GLI2: variants seen among roughly 807,000 people sequenced by gnomAD.
GLI2 encodes the protein GLI family zinc finger 2.
A neutral mutation model predicts 78.9 loss-of-function variants in GLI2; 22 were observed. The ratio of observed to expected loss-of-function variants is 0.28; its 90% CI spans 0.20 to 0.40. The LOEUF (loss-of-function observed/expected upper bound fraction) is 0.40, where lower values mean the gene tolerates loss of function less well. Ranked by LOEUF, GLI2 falls within the 10% of genes least tolerant of loss-of-function variation. The probability of loss-of-function intolerance (pLI) is 1.00; values close to 1 mark genes in which losing one functional copy is unlikely to be tolerated. For missense variants in GLI2, 2,097 were observed against 2,213.2 expected (o/e 0.95, Z 1.05); for synonymous variants, 974 against 963.7 (o/e 1.01, Z -0.20).
At chr2:120,867,315 A>T (rs1415003498) in intron 2 of GLI2, 1 of 152,248 alleles carries the variant, frequency 6.6e-6, no homozygotes, top group Non-Finnish European at 1.5e-5. Context: ...AGGCACCCGC[A>T]GGGTGGACAG....
At chr2:120,900,001 G>A (rs1220709484) in intron 2 of GLI2, among the ~76,000 whole-genome samples, 1 of 152,192 alleles carries the variant, frequency 6.6e-6, no homozygotes, top group South Asian at 2.1e-4. Context: ...GAGGATTTGC[G>A]TCTCTAGCAG....
chr2:120,986,788 A>G (rs1264424084), intron 13 of GLI2, among the ~76,000 whole-genome samples, 174 bp downstream of exon 13: 1 of 152,120 alleles, frequency 6.6e-6, no homozygotes, highest in South Asian at 2.1e-4. Flanking sequence ...TACCCAAATC[A>G]ATGGCAGGGG....
chr2:120,778,497 G>T (rs1460638729), intron 1 of GLI2, among the ~76,000 whole-genome samples: 1 of 152,240 alleles, frequency 6.6e-6, no homozygotes, highest in Non-Finnish European at 1.5e-5. Context: ...GCGCAGGACT[G>T]TGTGGCGGGG....
At chr2:120,776,668 C>G (rs763058946) in intron 1 of GLI2, among the ~76,000 whole-genome samples, 16 of 152,158 alleles carry the variant, frequency 1.1e-4, no homozygotes, top group Non-Finnish European at 2.1e-4. Context: ...TCCCTGGACT[C>G]TGGTTCTCCA....
intron 2 of GLI2, among the ~76,000 whole-genome samples, chr2:120,905,867 G>GCCCCCCCCCCCCCCC (rs149778827): frequency 6.8e-6 from 1 of 146,082 alleles, no homozygotes; most frequent in African/African-American, 2.6e-5. Flanking sequence ...GGGCTACACT[G>GCCCCCCCCCCCCCCC]CCCCCCCCCC....
intron 3 of GLI2, among the ~76,000 whole-genome samples, chr2:120,940,845 G>T (rs1247894582): frequency 6.6e-6 from 1 of 152,236 alleles, no homozygotes; most frequent in Non-Finnish European, 1.5e-5. Context: ...CATAGCACTT[G>T]TCAGTCAGGT....
chr2:120,989,080 C>T lies in GLI2; in HGVS notation c.3115C>T (p.Pro1039Ser), dbSNP rs374225016. 17 of 1,611,632 alleles carry T rather than the reference C, an allele frequency of 1.1e-5. No individual in the cohort carries two copies. The highest frequency in any genetic ancestry group is 1.4e-5 in the Non-Finnish European group (16 of 1,179,824). Residue 1039 changes from proline to serine, a missense_variant, in exon 14 of 14, where the codon CCG (proline) becomes TCG (serine). By Grantham distance (74) the Pro-to-Ser change is moderately conservative (BLOSUM62 -1). Coordinates refer to ENST00000361492, the MANE Select transcript of GLI2 (RefSeq NM_001374353.1). ...GAGPEADLGL[P>S]EDDLVLPDDV... ...GGGGCCCGAGGCCGACCTGGGGCTG[C>T]CGGAGGACGACCTGGTGCTTCCAGA...
At chr2:120,856,490 T>A (rs1000752886) in intron 2 of GLI2, among the ~76,000 whole-genome samples, 4 of 152,124 alleles carry the variant, frequency 2.6e-5, no homozygotes, top group Admixed American at 2.6e-4. Flanking sequence ...GTTCTCACCA[T>A]CATGGGCCTC....
intron 10 of GLI2, among the ~76,000 whole-genome samples, chr2:120,979,850 G>A (rs1223311080): frequency 6.6e-6 from 1 of 152,078 alleles, no homozygotes; most frequent in Non-Finnish European, 1.5e-5. Context: ...CTTTCTGTCT[G>A]TATGGATTTG....
At chr2:120,978,901 G>T (rs1202056856) in intron 10 of GLI2, among the ~76,000 whole-genome samples, 1 of 152,360 alleles carries the variant, frequency 6.6e-6, no homozygotes, top group Admixed American at 6.5e-5. Flanking sequence ...GCTGGGTGAC[G>T]CTGGGAAGAG....
chr2:120,843,408 A>G (rs1686972357), intron 2 of GLI2, among the ~76,000 whole-genome samples: 1 of 152,220 alleles, frequency 6.6e-6, no homozygotes, highest in South Asian at 2.1e-4. Flanking sequence ...AGACGTCAGG[A>G]CAAGATCTGT....
intron 4 of GLI2, among the ~76,000 whole-genome samples, chr2:120,954,094 T>TA (rs2104960011): frequency 6.6e-6 from 1 of 152,234 alleles, no homozygotes; most frequent in South Asian, 2.1e-4. Context: ...CTTGGGCTAC[T>TA]AAGTGACCAA....
intron 5 of GLI2, among the ~76,000 whole-genome samples, chr2:120,967,970 T>C (rs760711734): frequency 1.3e-5 from 2 of 152,166 alleles, no homozygotes; most frequent in Non-Finnish European, 2.9e-5. Context: ...AGGCCTCTGC[T>C]TGGCAAATGC....
intron 9 of GLI2, among the ~76,000 whole-genome samples, chr2:120,978,075 G>A (rs555176814): frequency 1.6e-4 from 25 of 152,270 alleles, no homozygotes; most frequent in African/African-American, 5.1e-4. Flanking sequence ...CCCAGGCTGC[G>A]GTGCACAGGA....
chr2:120,829,509 C>T (rs1404729752), intron 2 of GLI2, among the ~76,000 whole-genome samples: 1 of 152,212 alleles, frequency 6.6e-6, no homozygotes, highest in Non-Finnish European at 1.5e-5. Flanking sequence ...CCAGCCTTAG[C>T]TTCCCATCTC....
intron 2 of GLI2, among the ~76,000 whole-genome samples, chr2:120,856,870 G>T (rs1455469311): frequency 1.1e-5 from 1 of 94,042 alleles, no homozygotes; most frequent in Non-Finnish European, 2.0e-5. Flanking sequence ...TGGTGTGCCT[G>T]GCTCACTTCA....
intron 1 of GLI2, among the ~76,000 whole-genome samples, chr2:120,753,982 C>A (rs1275941522): frequency 6.6e-6 from 1 of 150,622 alleles, no homozygotes; most frequent in Admixed American, 6.6e-5. Context: ...TTTCTTGTGC[C>A]ATCTCTATTA....
intron 5 of GLI2, among the ~76,000 whole-genome samples, chr2:120,964,199 A>G (rs1681723701): frequency 6.6e-6 from 1 of 152,186 alleles, no homozygotes; most frequent in South Asian, 2.1e-4. Context: ...AGGCATCCCA[A>G]GGGAGGTGAT....
chr2:120,781,103 A>G (rs1683833951), intron 1 of GLI2, among the ~76,000 whole-genome samples: 1 of 152,196 alleles, frequency 6.6e-6, no homozygotes, highest in Non-Finnish European at 1.5e-5. Context: ...AGGAGACACA[A>G]GCTGTCCCTG....
Sources: gnomAD v4.1 joint callset for allele counts (sites outside exome capture counted in the v4.1 genomes callset) on GRCh38, gnomAD v4.1.1 for gene constraint, MANE v1.5 for transcripts, NCBI Gene and HGNC (gene_info 2026-07-23, HGNC 2026-07-21) for gene names.